Variants in PLEC observed in about 807,000 individuals in gnomAD.
PLEC encodes the protein hemidesmosomal protein 1.
Under a neutral mutation model 392.8 loss-of-function variants are expected in PLEC, and 216 were observed. The observed-to-expected ratio is 0.55, with a 90% CI of 0.49 to 0.62. The LOEUF is 0.62. PLEC is among the 20% of genes least tolerant of loss of function. The probability of loss-of-function intolerance (pLI) is 0.00; values close to 1 mark genes in which losing one functional copy is unlikely to be tolerated. For missense variants in PLEC, 6,863 were observed against 6,563.4 expected, an observed-to-expected ratio of 1.05 and a Z score of -1.58; for synonymous variants, 3,621 against 2,980.6, an observed-to-expected ratio of 1.21 and a Z score of -7.00.
upstream of PLEC, chr8:143,975,222 C>G: frequency 6.2e-7 from 1 of 1,604,930 alleles, no homozygotes; most frequent in Non-Finnish European, 8.5e-7. This position sits in a 1 kb window ranked among gnomAD's most constrained non-coding sequence, Gnocchi z 9.9. Flanking sequence ...AGGACACTCC[C>G]GTTGCTCCCA....
chr8:143,959,609 G>T (rs1385913481), intron 1 of PLEC, among the ~76,000 whole-genome samples: 2 of 152,250 alleles, frequency 1.3e-5, no homozygotes, highest in African/African-American at 4.8e-5. Context: ...CTCCAACACC[G>T]GGTGCTGGGC....
In PLEC at chr8:143,925,222, C is replaced by G. The variant is rs398123398; in HGVS notation, c.4707G>C (p.Thr1569=). The G allele has an allele frequency of 2.5e-6, 4 of 1,588,512 alleles. No individual in the cohort carries two copies. Among genetic ancestry groups the G allele is most frequent in the Non-Finnish European group, 2.6e-6 (3 of 1,175,572 alleles). The part of the protein sequence containing the change: ...RARQVQVALE[T]AQRSAEAELQ... Reference sequence around the variant, plus strand: ...GCTCCGCCTCTGCACTGCGCTGCGCCGTCTCCAGGGCCACCTGTACCTGCC... The same window carrying G: ...GCTCCGCCTCTGCACTGCGCTGCGCGGTCTCCAGGGCCACCTGTACCTGCC... Residue 1569 remains threonine, a synonymous_variant, in exon 31 of 32, where the codon ACG becomes ACC. Transcript: ENST00000345136.
At chr8:143,963,613 G>A (rs1337141798) in intron 1 of PLEC, among the ~76,000 whole-genome samples, 2 of 152,252 alleles carry the variant, frequency 1.3e-5, no homozygotes, top group Non-Finnish European at 1.5e-5. Flanking sequence ...CCTACCCAGA[G>A]CCTCACCAAC....
chr8:143,936,496 G>A (rs1456636209), intron 5 of PLEC, among the ~76,000 whole-genome samples: 1 of 152,152 alleles, frequency 6.6e-6, no homozygotes, highest in Non-Finnish European at 1.5e-5. Flanking sequence ...TGGCAGCCTG[G>A]CTTTACACTC....
chr8:143,966,650 T>C (rs554389291), intron 1 of PLEC, among the ~76,000 whole-genome samples: 1 of 151,984 alleles, frequency 6.6e-6, no homozygotes, highest in African/African-American at 2.4e-5. Flanking sequence ...GGGGCTCGGC[T>C]GGGGGGGTAC....
At chr8:143,930,689 C>T (rs1250114458) in intron 19 of PLEC, among the ~76,000 whole-genome samples, 153 bp from the exon 20 acceptor site, 3 of 152,070 alleles carry the variant, frequency 2.0e-5, no homozygotes, top group Admixed American at 1.3e-4. Flanking sequence ...GGACAGGCCC[C>T]GGGGGTTGGC....
Position 143,934,995 on chromosome 8 carries a change from CG to C in PLEC, c.825+15del. On this transcript the variant is annotated intron_variant, in intron 8 of 31. Coordinates refer to ENST00000345136, the MANE Select transcript of PLEC (RefSeq NM_201384.3). ...GTCCAGGCCCAAGCCCCCTGCCCTC[CG>C]GGCCCCCCACTCACGTTGGCCCTCA... 6.2e-7 allele frequency: 1 copy of C among 1,611,868 alleles called. No individual in the cohort carries two copies. Among genetic ancestry groups the C allele is most frequent in the Non-Finnish European group, 8.5e-7 (1 of 1,179,504 alleles).
In PLEC at chr8:143,939,478, C is replaced by G. The variant is rs372521851; in HGVS notation, c.-17G>C. ...CTGAGACATGCTGCCCCCACACCTTCGTCGCCCGGACCCTCGGCCTCAGGC... is the reference window on the plus strand; with the variant it reads ...CTGAGACATGCTGCCCCCACACCTTGGTCGCCCGGACCCTCGGCCTCAGGC... On this transcript the variant is annotated 5_prime_UTR_variant, in exon 1 of 32. Transcript: ENST00000345136. 1 of 1,605,362 alleles carries G rather than the reference C, an allele frequency of 6.2e-7. No homozygotes were observed. Among genetic ancestry groups the G allele is most frequent in the South Asian group, 1.1e-5 (1 of 89,622 alleles).
Position 143,925,184 on chromosome 8 carries a change from C to T in PLEC, c.4745G>A (p.Arg1582His), listed in dbSNP as rs781876093. Residue 1582 changes from arginine (R) to histidine (H), a missense_variant, in exon 31 of 32, where the codon CGC becomes CAC. Physicochemically the swap from Arg to His is conservative, Grantham distance 29. Coordinates refer to ENST00000345136, the MANE Select transcript of PLEC (RefSeq NM_201384.3). ...TGCCGTCTTCTCGGCGAAGGAGGCG[C>T]GTTTGCTCTGCAGCTCCGCCTCTGC... ...RSAEAELQSKRASFAEKTAQL... is the reference protein window; with the variant it reads ...RSAEAELQSKHASFAEKTAQL... 77 of 1,577,100 alleles carry T rather than the reference C, an allele frequency of 4.9e-5. No homozygotes were observed. Among genetic ancestry groups the T allele is most frequent in the African/African-American group, 3.0e-4 (22 of 74,416 alleles).
At position 143,922,268 on chromosome 8, in the gene PLEC, T is replaced by C; in HGVS notation, c.7553A>G (p.Gln2518Arg). 2.5e-6 allele frequency: 4 copies of C among 1,602,884 alleles called. No individual in the cohort carries two copies. Among genetic ancestry groups the C allele is most frequent in the Non-Finnish European group, 2.5e-6 (3 of 1,177,584 alleles). Residue 2518 changes from glutamine to arginine, a missense_variant, in exon 32 of 32, where the codon CAG becomes CGG. Physicochemically the swap from Gln to Arg is conservative, Grantham distance 43. Transcript: ENST00000345136. ...CTTGGCCACCTCGTCCTGGAAGAGC[T>C]GCTCCAGCTTGGCCTTCTCCTGCTC... ...FIEQEKAKLEQLFQDEVAKAQ... is the reference protein window; with the variant it reads ...FIEQEKAKLERLFQDEVAKAQ...
chr8:143,926,299 G>A (rs564383798), intron 30 of PLEC, among the ~76,000 whole-genome samples: 6 of 152,302 alleles, frequency 3.9e-5, no homozygotes, highest in African/African-American at 9.6e-5. Flanking sequence ...TGGGTGGGGC[G>A]GGGTGAGGCG....
At chr8:143,944,734 G>A (rs892595619) in intron 1 of PLEC, 2 of 1,266,044 alleles carry the variant, frequency 1.6e-6, no homozygotes, top group Non-Finnish European at 2.0e-6. Flanking sequence ...AGGCCCCTCG[G>A]AGGAGGCACA....
rs782079372 is a variant in PLEC at position 143,924,087 on chromosome 8, G to A, written c.5842C>T (p.Leu1948=). The A allele has an allele frequency of 3.1e-6, 5 of 1,597,858 alleles. No homozygotes were observed. The highest frequency in any genetic ancestry group is 1.7e-5 in the Admixed American group (1 of 59,904). Residue 1948 remains leucine (L), a synonymous_variant, in exon 31 of 32, where the codon CTG becomes TTG. Transcript: ENST00000345136. ...TCCGCGTTGCTGCGGATGCGTCCCA[G>A]CTCCAGCTCCAGCTCCGCCTTGCCA... ...AAGKAELELE[L]GRIRSNAEDT...
intron 1 of PLEC, among the ~76,000 whole-genome samples, chr8:143,944,984 A>AG (rs1297814132): frequency 6.7e-6 from 1 of 148,216 alleles, no homozygotes; most frequent in Non-Finnish European, 1.5e-5. Flanking sequence ...CAGCTCCCAC[A>AG]GGGGGTTCTA....
chr8:143,921,436 G>T lies in PLEC; in HGVS notation c.8385C>A (p.Gly2795=), dbSNP rs1822658207. 1.2e-6 allele frequency: 2 copies of T among 1,613,322 alleles called. No homozygotes were observed. Among genetic ancestry groups the T allele is most frequent in the African/African-American group, 1.3e-5 (1 of 74,914 alleles). The change falls in exon 32 of 32, where the codon GGC becomes GGA. Residue 2795 remains glycine, a synonymous_variant. Coordinates refer to ENST00000345136, the MANE Select transcript of PLEC (RefSeq NM_201384.3). ...QISLFQAMQK[G]LIVREHGIRL... ...GGATGCCGTGCTCCCGGACGATGAG[G>T]CCCTTCTGCATGGCTTGGAAGAGAG...
At position 143,915,228 on chromosome 8, in the gene PLEC, A is replaced by G. The variant is rs1309004625; in HGVS notation, c.*949T>C. On this transcript the variant is annotated 3_prime_UTR_variant, in exon 32 of 32. Transcript: ENST00000345136. ...GGTCAGGTTAGTGTTCTGCCCTTGCAGAGGCGCCAGCAGCCTGACACCTCC... is the reference window on the plus strand; with the variant it reads ...GGTCAGGTTAGTGTTCTGCCCTTGCGGAGGCGCCAGCAGCCTGACACCTCC... 1 of 152,568 alleles carries G rather than the reference A, an allele frequency of 6.6e-6. No homozygotes were observed. Among genetic ancestry groups the G allele is most frequent in the Non-Finnish European group, 1.5e-5 (1 of 68,108 alleles). 9.5% of individuals were successfully genotyped at this position (152,568 alleles called of 1,614,324 possible).
intron 1 of PLEC, among the ~76,000 whole-genome samples, 195 bp from the exon 2 acceptor site, chr8:143,938,887 G>T (rs533598722): frequency 6.6e-6 from 1 of 152,160 alleles, no homozygotes; most frequent in East Asian, 1.9e-4. Context: ...AGGTGCCAGG[G>T]GCCCAGGCGC....
chr8:143,920,425 G>C lies in PLEC; in HGVS notation c.9396C>G (p.Arg3132=). 6.3e-7 allele frequency: 1 copy of C among 1,597,118 alleles called. No homozygotes were observed. Among genetic ancestry groups the C allele is most frequent in the Non-Finnish European group, 8.5e-7 (1 of 1,174,380 alleles). The change falls in exon 32 of 32, where the codon CGC becomes CGG. Residue 3132 remains arginine (R), a synonymous_variant. Transcript: ENST00000345136. ...KGLIPREQGL[R]LLDAQLSTGG... ...CCGTGGACAGCTGGGCGTCCAACAG[G>C]CGCAGGCCCTGCTCCCGGGGAATGA...
At chr8:143,965,346 G>T (rs1833036902) in intron 1 of PLEC, among the ~76,000 whole-genome samples, 2 of 152,306 alleles carry the variant, frequency 1.3e-5, no homozygotes, top group South Asian at 4.1e-4. Context: ...CCCACAGGCT[G>T]ATGTCCCAAG....
Sources: allele counts gnomAD v4.1 joint callset (sites outside exome capture counted in the v4.1 genomes callset), GRCh38; gene constraint gnomAD v4.1.1; non-coding constraint Gnocchi (gnomAD v3.1); transcripts MANE v1.5; gene names NCBI Gene and HGNC (gene_info 2026-07-23, HGNC 2026-07-21).